Variants in HPSE2 observed in about 807,000 individuals in gnomAD.
HPSE2 encodes inactive heparanase-2.
In HPSE2, 38 loss-of-function variants were observed where a neutral mutation model predicts 60.5. The observed-to-expected ratio is 0.63, with a 90% CI of 0.48 to 0.82. The LOEUF is 0.82. Ranked by LOEUF, HPSE2 falls within the 40% of genes least tolerant of loss-of-function variation. HPSE2 has a pLI of 0.00. For synonymous variants in HPSE2, 295 were observed against 293.2 expected (o/e 1.01, Z -0.06); for missense variants, 713 against 740.4 (o/e 0.96, Z 0.43).
intron 3 of HPSE2, among the ~76,000 whole-genome samples, chr10:99,139,874 C>T (rs146133705): frequency 3.3e-4 from 50 of 152,288 alleles, no homozygotes; most frequent in African/African-American, 1.2e-3. Flanking sequence ...ATGTACAGCA[C>T]AACCCAAACT....
intron 2 of HPSE2, among the ~76,000 whole-genome samples, chr10:99,177,493 T>C (rs983484416): frequency 3.3e-5 from 5 of 151,870 alleles, no homozygotes; most frequent in African/African-American, 1.2e-4. Context: ...TATAACAGAC[T>C]TTAAACCAAA....
intron 3 of HPSE2, among the ~76,000 whole-genome samples, chr10:98,828,931 G>A (rs1951616872): frequency 6.6e-6 from 1 of 152,056 alleles, no homozygotes; most frequent in African/African-American, 2.4e-5. Flanking sequence ...ATTCATAATA[G>A]CTAAAAGGTA....
intron 6 of HPSE2, among the ~76,000 whole-genome samples, chr10:98,658,722 A>C (rs892902028): frequency 2.0e-5 from 3 of 152,212 alleles, no homozygotes; most frequent in Admixed American, 1.3e-4. Flanking sequence ...TCCTAAAAAC[A>C]GCCAAAGAAA....
chr10:98,881,197 A>AAG (rs1953013357), intron 3 of HPSE2, among the ~76,000 whole-genome samples: 2 of 152,126 alleles, frequency 1.3e-5, no homozygotes, highest in Admixed American at 1.3e-4. Flanking sequence ...TCATAGAATT[A>AAG]GCAGGGCTTT....
At chr10:98,919,991 T>C (rs1340945644) in intron 3 of HPSE2, among the ~76,000 whole-genome samples, 1 of 152,150 alleles carries the variant, frequency 6.6e-6, no homozygotes, top group African/African-American at 2.4e-5. Flanking sequence ...TGCTCAGATC[T>C]CCTGTCAAGA....
At chr10:99,076,429 C>T (rs1158757298) in intron 3 of HPSE2, among the ~76,000 whole-genome samples, 1 of 151,892 alleles carries the variant, frequency 6.6e-6, no homozygotes, top group Non-Finnish European at 1.5e-5. Flanking sequence ...GCTTTCTCAC[C>T]CAGGCTGGAG....
chr10:98,994,701 A>G (rs1005867991), intron 3 of HPSE2, among the ~76,000 whole-genome samples: 8 of 152,068 alleles, frequency 5.3e-5, no homozygotes, highest in Non-Finnish European at 1.2e-4. Context: ...TGGTGATGGG[A>G]CCAGAGACGG....
chr10:99,192,888 A>T (rs1848268496), intron 2 of HPSE2, among the ~76,000 whole-genome samples: 1 of 152,278 alleles, frequency 6.6e-6, no homozygotes, highest in Non-Finnish European at 1.5e-5. Flanking sequence ...AGAAATCCTA[A>T]AGGGAGTTTT....
intron 2 of HPSE2, among the ~76,000 whole-genome samples, chr10:99,225,727 C>T (rs1177129844): frequency 1.3e-5 from 2 of 151,938 alleles, no homozygotes; most frequent in Non-Finnish European, 2.9e-5. Flanking sequence ...GTGTCCTTCC[C>T]TTCTCCAATG....
chr10:99,290,611 A>G, the HPSE2 span, among the ~76,000 whole-genome samples: 1 of 39,950 alleles, frequency 2.5e-5, no homozygotes, highest in African/African-American at 1.6e-4. Context: ...CTCTCTGATC[A>G]CTGCTCCATT....
At chr10:99,096,641 T>A (rs936731443) in intron 3 of HPSE2, among the ~76,000 whole-genome samples, 4 of 152,136 alleles carry the variant, frequency 2.6e-5, no homozygotes, top group Admixed American at 6.5e-5. Context: ...GACATTAAAA[T>A]GTTTCCCAGG....
chr10:99,077,852 T>C (rs1416051800), intron 3 of HPSE2, among the ~76,000 whole-genome samples: 1 of 152,148 alleles, frequency 6.6e-6, no homozygotes, highest in African/African-American at 2.4e-5. Context: ...AATCTCATGT[T>C]GAAATGAAAT....
At chr10:98,904,177 T>C (rs1352902493) in intron 3 of HPSE2, among the ~76,000 whole-genome samples, 1 of 152,178 alleles carries the variant, frequency 6.6e-6, no homozygotes, top group Admixed American at 6.5e-5. Flanking sequence ...TTAGTGAGAA[T>C]AGAGTTAGTA....
intron 9 of HPSE2, among the ~76,000 whole-genome samples, chr10:98,536,164 A>G (rs1943277038): frequency 6.6e-6 from 1 of 152,242 alleles, no homozygotes. Flanking sequence ...TGGGCACTTT[A>G]TACCCATCAA....
intron 3 of HPSE2, among the ~76,000 whole-genome samples, chr10:98,974,241 A>T (rs1956030121): frequency 6.6e-6 from 1 of 152,146 alleles, no homozygotes; most frequent in African/African-American, 2.4e-5. Context: ...ATGAGCTGAG[A>T]TCGTACCATT....
At chr10:98,914,375 A>G (rs1200317341) in intron 3 of HPSE2, among the ~76,000 whole-genome samples, 1 of 152,076 alleles carries the variant, frequency 6.6e-6, no homozygotes, top group African/African-American at 2.4e-5. Flanking sequence ...AGCCTCGGGT[A>G]TGTCTTTATT....
At chr10:99,200,580 G>A (rs1366854914) in intron 2 of HPSE2, among the ~76,000 whole-genome samples, 1 of 152,028 alleles carries the variant, frequency 6.6e-6, no homozygotes, top group East Asian at 1.9e-4. Context: ...TACCTCATAA[G>A]ATGGTTATAT....
At chr10:98,873,687 T>A (rs769754227) in intron 3 of HPSE2, among the ~76,000 whole-genome samples, 9 of 152,082 alleles carry the variant, frequency 5.9e-5, no homozygotes, top group Non-Finnish European at 1.3e-4. Flanking sequence ...CAGGTGCATG[T>A]GTCTTTATAG....
intron 9 of HPSE2, among the ~76,000 whole-genome samples, chr10:98,535,123 T>C (rs1018316367): frequency 3.3e-5 from 5 of 152,252 alleles, no homozygotes; most frequent in Admixed American, 2.0e-4. Flanking sequence ...CCTGCTTTCC[T>C]ATCCGTGAAT....
Sources: allele counts gnomAD v4.1 joint callset (sites outside exome capture counted in the v4.1 genomes callset), GRCh38; gene constraint gnomAD v4.1.1; transcripts MANE v1.5; gene names NCBI Gene and HGNC (gene_info 2026-07-23, HGNC 2026-07-21).